CABIN1: variants seen among roughly 807,000 people sequenced by gnomAD.
CABIN1 encodes calcineurin-binding protein cabin-1.
In CABIN1, 133 loss-of-function variants were observed where a neutral mutation model predicts 227.7. That is an observed-to-expected ratio of 0.58 (90% confidence interval 0.51 to 0.67). CABIN1 has a LOEUF of 0.67. Ranked by LOEUF, CABIN1 falls within the 30% of genes least tolerant of loss-of-function variation. CABIN1 has a pLI of 0.00. For missense variants in CABIN1, 2,408 were observed against 2,852.5 expected (o/e 0.84, Z 3.55); for synonymous variants, 1,086 against 1,155.1 (o/e 0.94, Z 1.21).
At chr22:24,110,403 A>G (rs929376152) in intron 26 of CABIN1, among the ~76,000 whole-genome samples, 1 of 152,178 alleles carries the variant, frequency 6.6e-6, no homozygotes, top group Admixed American at 6.5e-5. Context: ...ATACATTGCT[A>G]CTATTTTTGC....
intron 1 of CABIN1, among the ~76,000 whole-genome samples, chr22:24,013,448 C>G (rs1001603609): frequency 1.3e-5 from 2 of 152,256 alleles, no homozygotes; most frequent in South Asian, 2.1e-4. Flanking sequence ...CCGCCCGCCT[C>G]GGCCTCCAAA....
intron 14 of CABIN1, among the ~76,000 whole-genome samples, chr22:24,063,656 A>C (rs908655672): frequency 6.6e-6 from 1 of 152,166 alleles, no homozygotes; most frequent in Non-Finnish European, 1.5e-5. Context: ...AGAATGAGTC[A>C]AGAGATTGCT....
chr22:24,172,880 G>A (rs1276401785), intron 34 of CABIN1, among the ~76,000 whole-genome samples: 2 of 152,178 alleles, frequency 1.3e-5, no homozygotes, highest in Admixed American at 6.5e-5. Context: ...AGGGCAGGGA[G>A]CCCTTCCCTG....
At chr22:24,016,758 T>C (rs572592648) in intron 1 of CABIN1, among the ~76,000 whole-genome samples, 3 of 152,324 alleles carry the variant, frequency 2.0e-5, no homozygotes, top group Admixed American at 6.5e-5. Flanking sequence ...TTTCCAACAG[T>C]GTATGAGAAT....
intron 26 of CABIN1, among the ~76,000 whole-genome samples, chr22:24,108,966 T>C (rs1382886205): frequency 1.3e-5 from 2 of 152,348 alleles, no homozygotes; most frequent in South Asian, 4.1e-4. Context: ...TAAACTGACA[T>C]TTTGTGAACC....
At chr22:24,140,538 A>G (rs762132842) in intron 29 of CABIN1, among the ~76,000 whole-genome samples, 3 of 152,238 alleles carry the variant, frequency 2.0e-5, no homozygotes, top group Admixed American at 2.0e-4. Context: ...GCAAGCCTGC[A>G]TGGGCCAGAG....
intron 6 of CABIN1, among the ~76,000 whole-genome samples, chr22:24,047,770 T>C (rs2038011747): frequency 6.6e-6 from 1 of 152,262 alleles, no homozygotes; most frequent in Non-Finnish European, 1.5e-5. Flanking sequence ...GTGTTGCTTC[T>C]CACTCCTAGG....
chr22:24,095,478 G>T (rs1376702239), intron 24 of CABIN1, among the ~76,000 whole-genome samples: 1 of 151,090 alleles, frequency 6.6e-6, no homozygotes, highest in Non-Finnish European at 1.5e-5. Flanking sequence ...TGGGTGCCTG[G>T]CTTTGCCTGG....
intron 34 of CABIN1, among the ~76,000 whole-genome samples, chr22:24,174,909 G>A (rs1421279130): frequency 6.6e-6 from 1 of 152,134 alleles, no homozygotes; most frequent in African/African-American, 2.4e-5. Flanking sequence ...CCTCCCTGGG[G>A]TGTGGGAAGG....
intron 28 of CABIN1, among the ~76,000 whole-genome samples, chr22:24,133,950 G>A (rs2044230115): frequency 6.6e-6 from 1 of 152,214 alleles, no homozygotes; most frequent in African/African-American, 2.4e-5. Flanking sequence ...ATAAGTCAGG[G>A]CTGCTATTTG....
intron 29 of CABIN1, among the ~76,000 whole-genome samples, chr22:24,155,105 C>G (rs2045705143): frequency 6.6e-6 from 1 of 152,286 alleles, no homozygotes; most frequent in East Asian, 1.9e-4. Context: ...CCTGCCTTTC[C>G]TTGGCCTCCC....
intron 15 of CABIN1, among the ~76,000 whole-genome samples, chr22:24,064,657 C>A (rs1020498928): frequency 1.7e-3 from 255 of 151,124 alleles, no homozygotes; most frequent in African/African-American, 6.1e-3. Context: ...GGCAGAGGAC[C>A]CTGCGGCCTT....
At chr22:24,157,856 G>A (rs1203227492) in intron 29 of CABIN1, among the ~76,000 whole-genome samples, 1 of 152,164 alleles carries the variant, frequency 6.6e-6, no homozygotes, top group African/African-American at 2.4e-5. Context: ...TTTTCTGGGG[G>A]GGCGGGGAGG....
intron 1 of CABIN1, among the ~76,000 whole-genome samples, chr22:24,024,966 A>G (rs1281796125): frequency 6.6e-6 from 1 of 151,998 alleles, no homozygotes; most frequent in Non-Finnish European, 1.5e-5. Flanking sequence ...TGTATTTAGG[A>G]CAGTTAATAT....
intron 3 of CABIN1, among the ~76,000 whole-genome samples, chr22:24,038,045 G>A (rs930774372): frequency 6.6e-6 from 1 of 152,162 alleles, no homozygotes; most frequent in Non-Finnish European, 1.5e-5. Flanking sequence ...GCCCTCTCCA[G>A]GTGCGGCACC....
chr22:24,177,634 A>C lies in CABIN1; in HGVS notation c.6336A>C (p.Pro2112=), dbSNP rs1276186463. The C allele has an allele frequency of 3.1e-6, 5 of 1,613,440 alleles. No individual in the cohort carries two copies. Among genetic ancestry groups the C allele is most frequent in the Non-Finnish European group, 4.2e-6 (5 of 1,179,804 alleles). ...KAPSSGSAQP[P]EGHPGKPEPS... ...CCAGCAGTGGGAGTGCCCAGCCACC[A>C]GAGGGTCACCCAGGCAAGCCTGAGC... Residue 2112 remains proline (P), a synonymous_variant, in exon 36 of 37, where the codon CCA becomes CCC. Coordinates refer to ENST00000263119, the MANE Select transcript of CABIN1 (RefSeq NM_012295.4). The surrounding 1 kb of genome is among the most constrained non-coding windows in gnomAD (Gnocchi z 4.4).
intron 9 of CABIN1, 48 bp from the exon 10 acceptor site, chr22:24,056,144 T>C (rs1471626179): frequency 6.4e-7 from 1 of 1,556,814 alleles, no homozygotes; most frequent in East Asian, 2.2e-5. Flanking sequence ...GGTGCATTTT[T>C]TTCATCCCTG....
intron 1 of CABIN1, among the ~76,000 whole-genome samples, chr22:24,034,413 G>A (rs2036716794): frequency 6.6e-6 from 1 of 152,190 alleles, no homozygotes; most frequent in Non-Finnish European, 1.5e-5. Context: ...GTTCTTCTGT[G>A]TTGTAGCATG....
chr22:24,156,088 G>A, intron 29 of CABIN1: 1 of 416,330 alleles, frequency 2.4e-6, no homozygotes. Flanking sequence ...TAGGAACTTG[G>A]CGGGGGCGGG....
Sources: allele counts gnomAD v4.1 joint callset (sites outside exome capture counted in the v4.1 genomes callset), GRCh38; gene constraint gnomAD v4.1.1; non-coding constraint Gnocchi (gnomAD v3.1); transcripts MANE v1.5; gene names NCBI Gene and HGNC (gene_info 2026-07-23, HGNC 2026-07-21).